Variants in ZNF536 observed in about 807,000 individuals in gnomAD.
ZNF536 encodes the protein zinc finger protein 536.
Under a neutral mutation model 84.5 loss-of-function variants are expected in ZNF536, and 13 were observed. The ratio of observed to expected loss-of-function variants is 0.15; its 90% confidence interval spans 0.10 to 0.24. The LOEUF (loss-of-function observed/expected upper bound fraction) is 0.24, where lower values mean the gene tolerates loss of function less well. ZNF536 is among the 10% of genes least tolerant of loss of function. The pLI is 1.00. For synonymous variants in ZNF536, 811 were observed against 742.5 expected, an observed-to-expected ratio of 1.09 and a Z score of -1.50; for missense variants, 1,536 against 1,747.5, an observed-to-expected ratio of 0.88 and a Z score of 2.16.
intron 1 of ZNF536, among the ~76,000 whole-genome samples, chr19:30,234,202 A>T (rs1003962266): frequency 1.3e-5 from 2 of 152,018 alleles, no homozygotes; most frequent in African/African-American, 4.8e-5. Flanking sequence ...TTAACCTGAA[A>T]GTTTTCTATC....
At chr19:30,280,384 TTC>T (rs771273162) in intron 1 of ZNF536, among the ~76,000 whole-genome samples, 1 of 152,154 alleles carries the variant, frequency 6.6e-6, no homozygotes, top group Non-Finnish European at 1.5e-5. Context: ...CCTTCCATCC[TTC>T]TGTCTTAACT....
At chr19:30,339,817 G>T (rs551262972) in intron 2 of ZNF536, among the ~76,000 whole-genome samples, 2 of 152,210 alleles carry the variant, frequency 1.3e-5, no homozygotes, top group Admixed American at 1.3e-4. Flanking sequence ...CTGCGTGGTT[G>T]CTGTCGACTT....
chr19:30,606,305 TA>T (rs1296076173), intron 1 of ZNF536, among the ~76,000 whole-genome samples: 9 of 82,118 alleles, frequency 1.1e-4, no homozygotes, highest in African/African-American at 4.4e-4. Context: ...TAAAATAAAA[TA>T]AAATAAAATA....
At chr19:30,277,338 G>A (rs2045272988) in intron 1 of ZNF536, among the ~76,000 whole-genome samples, 1 of 152,134 alleles carries the variant, frequency 6.6e-6, no homozygotes, top group Non-Finnish European at 1.5e-5. Flanking sequence ...GGGCAGGCGA[G>A]CTGATGAGAG....
intron 3 of ZNF536, among the ~76,000 whole-genome samples, chr19:30,536,806 G>A (rs925156869): frequency 6.6e-5 from 10 of 152,202 alleles, no homozygotes; most frequent in Non-Finnish European, 1.3e-4. Context: ...CCTCTTCCCC[G>A]GGAGTTCAGG....
chr19:30,586,412 G>A (rs2047096179), intron 1 of ZNF536, among the ~76,000 whole-genome samples: 1 of 152,252 alleles, frequency 6.6e-6, no homozygotes. Flanking sequence ...ACCTTCTGGA[G>A]AGGAAGACAA....
intron 1 of ZNF536, among the ~76,000 whole-genome samples, chr19:30,594,060 G>A (rs1194338458): frequency 6.6e-6 from 1 of 152,198 alleles, no homozygotes; most frequent in Non-Finnish European, 1.5e-5. Flanking sequence ...GCTACCAAGA[G>A]CTGCACTGCA....
chr19:30,282,366 G>C (rs550553946), intron 1 of ZNF536, among the ~76,000 whole-genome samples: 3 of 152,276 alleles, frequency 2.0e-5, no homozygotes, highest in South Asian at 2.1e-4. Context: ...TCATGATTTA[G>C]AGCATAGAAC....
chr19:30,710,779 C>T (rs1439350317), exon 2 of ZNF536: 1 of 152,258 alleles, frequency 6.6e-6, no homozygotes, highest in Non-Finnish European at 1.5e-5. Flanking sequence ...TCCAGTGCCG[C>T]TACTGTCCCT....
intron 1 of ZNF536, among the ~76,000 whole-genome samples, chr19:30,237,209 T>C (rs1052779511): frequency 3.9e-5 from 6 of 152,176 alleles, no homozygotes; most frequent in African/African-American, 1.4e-4. Context: ...ACACAATTTT[T>C]GTGTGATCTC....
chr19:30,274,679 A>C (rs1469065161), intron 1 of ZNF536, among the ~76,000 whole-genome samples: 1 of 152,084 alleles, frequency 6.6e-6, no homozygotes, highest in Non-Finnish European at 1.5e-5. Flanking sequence ...TGTGTCACGG[A>C]GGTTTGGTGT....
chr19:30,239,883 G>A (rs532328447), intron 1 of ZNF536, among the ~76,000 whole-genome samples: 7 of 152,274 alleles, frequency 4.6e-5, no homozygotes, highest in East Asian at 1.9e-4. Flanking sequence ...CGCACACCAC[G>A]ATGCCATGTG....
At chr19:30,454,002 G>A (rs2052726033) in intron 2 of ZNF536, among the ~76,000 whole-genome samples, 1 of 152,252 alleles carries the variant, frequency 6.6e-6, no homozygotes, top group South Asian at 2.1e-4. Flanking sequence ...TCCCCTTAAC[G>A]GTGCCCAGCC....
At chr19:30,303,651 G>A (rs964162346) in intron 2 of ZNF536, among the ~76,000 whole-genome samples, 45 of 152,002 alleles carry the variant, frequency 3.0e-4, no homozygotes, top group Middle Eastern at 3.4e-3. Context: ...TACAGGTGCC[G>A]GCCACCACGC....
At chr19:30,530,727 C>G (rs868384917) in intron 2 of ZNF536, among the ~76,000 whole-genome samples, 1 of 152,224 alleles carries the variant, frequency 6.6e-6, no homozygotes, top group Non-Finnish European at 1.5e-5. Flanking sequence ...CCAGTGACTG[C>G]TTTCTCCACC....
At chr19:30,376,573 G>T (rs138758207) in intron 1 of ZNF536, among the ~76,000 whole-genome samples, 220 of 152,304 alleles carry the variant, frequency 1.4e-3, no homozygotes, top group African/African-American at 4.7e-3. Context: ...GAAACAGAAT[G>T]GGCCAGGGTC....
intron 1 of ZNF536, among the ~76,000 whole-genome samples, chr19:30,412,696 C>G (rs1449197849): frequency 6.6e-6 from 1 of 151,624 alleles, no homozygotes; most frequent in African/African-American, 2.4e-5. Context: ...CTTTCTCCTC[C>G]CTCCCTTCTT....
At chr19:30,467,512 C>A (rs1176304416) in intron 2 of ZNF536, among the ~76,000 whole-genome samples, 3 of 152,180 alleles carry the variant, frequency 2.0e-5, no homozygotes, top group Non-Finnish European at 4.4e-5. Flanking sequence ...TTATCCAATT[C>A]ATCTGCTGAT....
chr19:30,421,390 T>A (rs1454934403), intron 1 of ZNF536, among the ~76,000 whole-genome samples: 4 of 152,062 alleles, frequency 2.6e-5, no homozygotes, highest in South Asian at 2.1e-4. Context: ...TCATTTTTTT[T>A]AAATTTTCTT....
Sources: allele counts gnomAD v4.1 joint callset (sites outside exome capture counted in the v4.1 genomes callset), GRCh38; gene constraint gnomAD v4.1.1; transcripts MANE v1.5; gene names NCBI Gene and HGNC (gene_info 2026-07-23, HGNC 2026-07-21).